The following LRRC43 variants were observed in gnomAD, a reference collection of about 807,000 sequenced individuals.
LRRC43 encodes the protein leucine-rich repeat-containing protein 43.
LRRC43 carries 62 observed loss-of-function variants against 64.3 expected under a neutral mutation model. The observed-to-expected ratio is 0.96, with a 90% CI of 0.79 to 1.19. The LOEUF (loss-of-function observed/expected upper bound fraction) is 1.19, where lower values mean the gene tolerates loss of function less well. LRRC43 is among the 50% of genes most tolerant of loss of function. The probability of loss-of-function intolerance (pLI) is 0.00; values close to 1 mark genes in which losing one functional copy is unlikely to be tolerated. For missense variants in LRRC43, 868 were observed against 845.0 expected (o/e 1.03, Z -0.34); for synonymous variants, 422 against 382.3 (o/e 1.10, Z -1.21).
In LRRC43 at chr12:122,187,818, C is replaced by G. The variant is rs778750097; in HGVS notation, c.640C>G (p.Leu214Val). The G allele has an allele frequency of 6.2e-7, 1 of 1,613,960 alleles. No individual in the cohort carries two copies. The highest frequency in any genetic ancestry group is 1.3e-5 in the African/African-American group (1 of 74,930). Reference sequence around the variant, plus strand: ...CAAACTTCTAGGCCCCTTGGAAAGTCTCTACGTCACCGCTAATCACTGGTA... The same window carrying G: ...CAAACTTCTAGGCCCCTTGGAAAGTGTCTACGTCACCGCTAATCACTGGTA... ...HNKLLGPLES[L>V]YVTANHWPNL... Residue 214 changes from leucine (L) to valine (V), a missense_variant, in exon 4 of 12, where the codon CTC becomes GTC. Physicochemically the swap from Leu to Val is conservative, Grantham distance 32. Coordinates refer to ENST00000339777, the MANE Select transcript of LRRC43 (RefSeq NM_001098519.2).
intron 10 of LRRC43, 103 bp downstream of exon 10, chr12:122,201,037 G>C: frequency 2.2e-6 from 3 of 1,381,132 alleles, no homozygotes; most frequent in Non-Finnish European, 2.9e-6. Context: ...GGGATGGGGA[G>C]GAGGTGGTGG....
At chr12:122,177,253 G>A (rs1953544196) in intron 1 of LRRC43, among the ~76,000 whole-genome samples, 1 of 152,124 alleles carries the variant, frequency 6.6e-6, no homozygotes, top group South Asian at 2.1e-4. Context: ...ACGAGCAAGA[G>A]AAGGGCTCAC....
At position 122,198,884 on chromosome 12, in the gene LRRC43, C is replaced by T. The variant is rs191083559; in HGVS notation, c.1350-1305C>T. ...CTGGCCTCAAGTGATCCGCCCACCT[C>T]GGCCTCCCAAAGTGCTGGGATTACA... On this transcript the variant is annotated intron_variant, in intron 7 of 11. Transcript: ENST00000339777. Among the ~76,000 whole-genome samples the T allele has an allele frequency of 8.3e-4, 126 of 152,056 alleles. 1 individual carries two copies. The highest frequency in any genetic ancestry group is 5.1e-3 in the Admixed American group (78 of 15,252).
At chr12:122,167,976 G>C (rs1389984029) in intron 1 of LRRC43, among the ~76,000 whole-genome samples, 1 of 151,438 alleles carries the variant, frequency 6.6e-6, no homozygotes, top group African/African-American at 2.4e-5. Flanking sequence ...CACCACACCT[G>C]GCTAATTTTT....
At chr12:122,198,623 CTTTTTTTTTTTTT>C (rs1012460173) in intron 7 of LRRC43, among the ~76,000 whole-genome samples, 1 of 100,496 alleles carries the variant, frequency 1.0e-5, no homozygotes, top group Non-Finnish European at 1.9e-5. Context: ...TGCTTCATTC[CTTTTTTTTTTTTT>C]TTTTTTTTTT....
chr12:122,190,489 C>G, intron 5 of LRRC43, 121 bp downstream of exon 5: 2 of 729,880 alleles, frequency 2.7e-6, no homozygotes, highest in Non-Finnish European at 4.6e-6. Flanking sequence ...TGACCCAGAC[C>G]CTATTCAGGT....
At chr12:122,193,030 C>A (rs750368115) in intron 7 of LRRC43, 26 bp downstream of exon 7, 1 of 1,610,624 alleles carries the variant, frequency 6.2e-7, no homozygotes. Context: ...TGAACCAGGG[C>A]AAGTGGTCAG....
chr12:122,189,931 A>G, intron 4 of LRRC43, 199 bp from the exon 5 acceptor site: 1 of 637,340 alleles, frequency 1.6e-6, no homozygotes, highest in Non-Finnish European at 2.8e-6. Flanking sequence ...TGAGGGTGGC[A>G]GTGCTACGGA....
chr12:122,173,192 C>T (rs771508387), intron 1 of LRRC43, among the ~76,000 whole-genome samples: 4 of 152,076 alleles, frequency 2.6e-5, no homozygotes, highest in Non-Finnish European at 5.9e-5. Flanking sequence ...TCCCTCCCTT[C>T]CTCTTTCTAA....
rs368326108 is a variant in LRRC43, at chr12:122,201,159, G to C, written c.1810-137G>C. On this transcript the variant is annotated intron_variant, in intron 10 of 11. Coordinates refer to ENST00000339777, the MANE Select transcript of LRRC43 (RefSeq NM_001098519.2). ...CAGCCTTCCCTTTGGGGATGGGCTG[G>C]GGCAGCCACCCTCACCAGGAGACCC... 17 of 1,069,772 alleles carry C rather than the reference G, an allele frequency of 1.6e-5. No homozygotes were observed. The African/African-American group carries it at 1.9e-4, about 12-fold the overall frequency. 66.3% of individuals were successfully genotyped at this position (1,069,772 alleles called of 1,614,324 possible).
At chr12:122,170,486 C>T (rs1451073402) in intron 1 of LRRC43, among the ~76,000 whole-genome samples, 1 of 152,034 alleles carries the variant, frequency 6.6e-6, no homozygotes, top group African/African-American at 2.4e-5. Context: ...AAAAAATTAG[C>T]CGGGCGTGGT....
chr12:122,173,717 G>T, intron 1 of LRRC43: 1 of 764,462 alleles, frequency 1.3e-6, no homozygotes, highest in Non-Finnish European at 2.2e-6. Flanking sequence ...TGCCTGTCTA[G>T]TTTCCCCCAT....
upstream of LRRC43, among the ~76,000 whole-genome samples, chr12:122,182,289 C>T (rs1323619711): frequency 6.6e-6 from 1 of 151,746 alleles, no homozygotes; most frequent in Non-Finnish European, 1.5e-5. Context: ...TTGGGGAGAC[C>T]GAGGTGGGTG....
At chr12:122,183,366 G>A in intron 1 of LRRC43, 72 bp downstream of exon 1, 1 of 1,366,064 alleles carries the variant, frequency 7.3e-7, no homozygotes, top group Non-Finnish European at 9.4e-7. Flanking sequence ...GGCGAGCGGA[G>A]CGGGCTGGTC....
At chr12:122,192,224 G>A (rs1047290232) in intron 6 of LRRC43, among the ~76,000 whole-genome samples, 1 of 152,140 alleles carries the variant, frequency 6.6e-6, no homozygotes, top group Non-Finnish European at 1.5e-5. Context: ...TGCAACCTCT[G>A]CCTCTGGGTT....
rs1304911865 is a variant in LRRC43 at position 122,183,304 on chromosome 12, C to T, written c.150+10C>T. ...CGGTGCCGGCAGCTGGGTGCGGGCG[C>T]CGGGGCCGGAACTCTGGGGGCCTGG... On this transcript the variant is annotated intron_variant, in intron 1 of 11. Transcript: ENST00000339777. The T allele has an allele frequency of 6.7e-7, 1 of 1,491,280 alleles. No homozygotes were observed. The highest frequency in any genetic ancestry group is 2.7e-5 in the East Asian group (1 of 37,716). 92.4% of individuals were successfully genotyped at this position (1,491,280 alleles called of 1,614,324 possible).
At position 122,171,573 on chromosome 12, in the gene LRRC43, G is replaced by C. The variant is rs547887947; in HGVS notation, c.-406+3791G>C. On this transcript the variant is annotated intron_variant, in intron 1 of 5. Coordinates refer to the LRRC43 transcript ENST00000537729. ...GATGGGATCTTGCTATGTTGCCCAGGCTGGTCCGAAACTCTGGCCCCAAGC... is the reference window on the plus strand; with the variant it reads ...GATGGGATCTTGCTATGTTGCCCAGCCTGGTCCGAAACTCTGGCCCCAAGC... Among the ~76,000 whole-genome samples, 8 of 152,138 alleles carry C rather than the reference G, an allele frequency of 5.3e-5. No homozygotes were observed. The South Asian group carries it at 1.2e-3, about 24-fold the overall frequency.
At chr12:122,182,661 C>G (rs1258388088), upstream of LRRC43, among the ~76,000 whole-genome samples, 1 of 152,032 alleles carries the variant, frequency 6.6e-6, no homozygotes, top group Non-Finnish European at 1.5e-5. Flanking sequence ...CCACTGGACT[C>G]CAGCCTGGGC....
chr12:122,176,963 AC>A (rs1355946886), intron 1 of LRRC43, among the ~76,000 whole-genome samples: 2 of 151,932 alleles, frequency 1.3e-5, no homozygotes, highest in Non-Finnish European at 2.9e-5. Flanking sequence ...GCCGCCAGCC[AC>A]CACTGACTTT....
Sources: gnomAD v4.1 joint callset for allele counts (sites outside exome capture counted in the v4.1 genomes callset) on GRCh38, gnomAD v4.1.1 for gene constraint, MANE v1.5 for transcripts, NCBI Gene and HGNC (gene_info 2026-07-23, HGNC 2026-07-21) for gene names.